Variants in TMEM167A observed in about 807,000 individuals in gnomAD.
TMEM167A encodes protein kish-A.
Under a neutral mutation model 11.6 loss-of-function variants are expected in TMEM167A, and 8 were observed. The observed-to-expected ratio is 0.69, with a 90% CI of 0.40 to 1.24. TMEM167A has a LOEUF of 1.24. Among genes scored for constraint, TMEM167A ranks in the 50% most tolerant of loss-of-function variants. TMEM167A has a pLI of 0.01. For missense variants in TMEM167A, 62 were observed against 87.0 expected (o/e 0.71, Z 1.14); for synonymous variants, 22 against 28.0 (o/e 0.79, Z 0.67).
chr5:83,058,843 A>T (rs952161900), intron 3 of TMEM167A, among the ~76,000 whole-genome samples: 1 of 152,084 alleles, frequency 6.6e-6, no homozygotes, highest in African/African-American at 2.4e-5. Context: ...TTGGGTTTTA[A>T]TGTTACTTTT....
At chr5:83,072,356 C>T (rs2112249059) in intron 1 of TMEM167A, among the ~76,000 whole-genome samples, 1 of 152,250 alleles carries the variant, frequency 6.6e-6, no homozygotes, top group Admixed American at 6.5e-5. Context: ...AAGAGCAAAG[C>T]CTGCTGTAAA....
chr5:83,064,073 T>G (rs1019239201), intron 2 of TMEM167A: 2 of 325,118 alleles, frequency 6.2e-6, no homozygotes, highest in Admixed American at 4.5e-5. Flanking sequence ...AATTCTTAGT[T>G]ATAAATCAAC....
chr5:83,056,856 T>C lies in TMEM167A; in HGVS notation c.*228A>G, dbSNP rs1744339547. ...GAATAACATTTGCAGAATGTAATAT[T>C]GTAGTGACAGTACTGAGGTTGATTG... On this transcript the variant is annotated 3_prime_UTR_variant, in exon 4 of 4. Coordinates refer to ENST00000502346, the MANE Select transcript of TMEM167A (RefSeq NM_174909.5). 1 of 557,666 alleles carries C rather than the reference T, an allele frequency of 1.8e-6. No individual in the cohort carries two copies. Among genetic ancestry groups the C allele is most frequent in the African/African-American group, 1.9e-5 (1 of 52,312 alleles). The allele number at this position is 557,666 out of a possible 1,614,324, so 34.5% of individuals were successfully genotyped here.
At chr5:83,070,568 T>C (rs1405136213) in intron 1 of TMEM167A, among the ~76,000 whole-genome samples, 1 of 151,980 alleles carries the variant, frequency 6.6e-6, no homozygotes, top group Non-Finnish European at 1.5e-5. Context: ...ATTCACAGAC[T>C]TTATTTGGCC....
intron 1 of TMEM167A, among the ~76,000 whole-genome samples, chr5:83,067,474 T>C (rs190036360): frequency 6.6e-6 from 1 of 152,106 alleles, no homozygotes; most frequent in African/African-American, 2.4e-5. Flanking sequence ...GCAAAGAAAG[T>C]GTGAAAATGC....
chr5:83,070,346 T>C (rs1292276438), intron 1 of TMEM167A, among the ~76,000 whole-genome samples: 1 of 152,170 alleles, frequency 6.6e-6, no homozygotes, highest in East Asian at 1.9e-4. Context: ...CCAAACGATT[T>C]GTCATCAAGG....
intron 1 of TMEM167A, among the ~76,000 whole-genome samples, chr5:83,066,413 T>A (rs1744482166): frequency 6.6e-6 from 1 of 152,140 alleles, no homozygotes; most frequent in Non-Finnish European, 1.5e-5. Context: ...CAGTTATAGA[T>A]CTTAAGGAAA....
intron 1 of TMEM167A, among the ~76,000 whole-genome samples, chr5:83,076,187 G>C (rs1744654003): frequency 6.6e-6 from 1 of 152,152 alleles, no homozygotes; most frequent in African/African-American, 2.4e-5. Flanking sequence ...TCTTTCACTT[G>C]TAAACATCTA....
At position 83,062,630 on chromosome 5, in the gene TMEM167A, T is replaced by C. The variant is rs575628639; in HGVS notation, c.114-719A>G. Among the ~76,000 whole-genome samples, 8 of 152,048 alleles carry C rather than the reference T, an allele frequency of 5.3e-5. No homozygotes were observed. The East Asian group carries it at 1.4e-3, about 26-fold the overall frequency. ...GGAGTAATCACTTATTTGGCATGTA[T>C]AACAAATCATCTTTAAAAAAAGACC... On this transcript the variant is annotated intron_variant, in intron 2 of 3. Coordinates refer to ENST00000502346, the MANE Select transcript of TMEM167A (RefSeq NM_174909.5).
At chr5:83,064,344 T>G (rs202017760) in intron 2 of TMEM167A, 1 of 518,332 alleles carries the variant, frequency 1.9e-6, no homozygotes, top group Non-Finnish European at 3.9e-6. Context: ...GCAACCTACT[T>G]GCTTTTGAAG....
intron 2 of TMEM167A, 174 bp from the exon 3 acceptor site, chr5:83,062,085 G>T: frequency 1.8e-6 from 1 of 554,722 alleles, no homozygotes; most frequent in Non-Finnish European, 3.2e-6. Context: ...TATGAAAGTA[G>T]GACACAATGA....
Position 83,053,313 on chromosome 5 carries a change from C to T in TMEM167A, c.*3771G>A, listed in dbSNP as rs2112234363. The T allele has an allele frequency of 6.6e-6, 1 of 151,934 alleles. No homozygotes were observed. Among genetic ancestry groups the T allele is most frequent in the East Asian group, 1.9e-4 (1 of 5,176 alleles). 9.4% of individuals were successfully genotyped at this position (151,934 alleles called of 1,614,324 possible). On this transcript the variant is annotated 3_prime_UTR_variant, in exon 4 of 4. Coordinates refer to ENST00000502346, the MANE Select transcript of TMEM167A (RefSeq NM_174909.5). ...GTGCACCCAGGAAATGTAAATGCAA[C>T]CATCACTGCTTCTTGTGCAGGTGTG...
Position 83,055,584 on chromosome 5 carries a change from CA to C in TMEM167A, c.*1499del, listed in dbSNP as rs1744317372. 1 of 151,710 alleles carries C rather than the reference CA, an allele frequency of 6.6e-6. No individual in the cohort carries two copies. Among genetic ancestry groups the C allele is most frequent in the African/African-American group, 2.4e-5 (1 of 41,348 alleles). The allele number at this position is 151,710 out of a possible 1,614,324, so 9.4% of individuals were successfully genotyped here. A position where few individuals can be genotyped will look rare whatever the true frequency, so the allele number is the denominator to read the frequency against. On this transcript the variant is annotated 3_prime_UTR_variant, in exon 4 of 4. Transcript: ENST00000502346. ...ATATAAAACCAAAACCAAACCAAAA[CA>C]AACAAACAAAAAATCCCCAGATAAC...
intron 1 of TMEM167A, among the ~76,000 whole-genome samples, chr5:83,072,423 T>C (rs1440894658): frequency 1.3e-5 from 2 of 152,208 alleles, no homozygotes; most frequent in African/African-American, 4.8e-5. Flanking sequence ...TCCTATCATA[T>C]GGTATGAAAT....
rs986909243 is a variant in TMEM167A, at chr5:83,055,329, G to A, written c.*1755C>T. ...AATTAGTTGACATGGCTTTCGGAAAGTCCAGTTGGCAGCAGAGCTGGACAA... is the reference window on the plus strand; with the variant it reads ...AATTAGTTGACATGGCTTTCGGAAAATCCAGTTGGCAGCAGAGCTGGACAA... On this transcript the variant is annotated 3_prime_UTR_variant, in exon 4 of 4. Transcript: ENST00000502346. 1.3e-5 allele frequency: 2 copies of A among 151,902 alleles called. No individual in the cohort carries two copies. Among genetic ancestry groups the A allele is most frequent in the Non-Finnish European group, 2.9e-5 (2 of 67,924 alleles). The allele number at this position is 151,902 out of a possible 1,614,324, so 9.4% of individuals were successfully genotyped here. A position where few individuals can be genotyped will look rare whatever the true frequency, so the allele number is the denominator to read the frequency against.
At chr5:83,075,066 G>T (rs982797446) in intron 1 of TMEM167A, among the ~76,000 whole-genome samples, 38 of 152,218 alleles carry the variant, frequency 2.5e-4, no homozygotes, top group African/African-American at 8.2e-4. Flanking sequence ...TCTTAATGGA[G>T]TAATAACTCC....
rs568616310 is a variant in TMEM167A at position 83,056,654 on chromosome 5, C to A, written c.*430G>T. 4.8e-4 allele frequency: 110 copies of A among 228,418 alleles called. 1 individual carries two copies. The highest frequency in any genetic ancestry group is 2.6e-3 in the African/African-American group (109 of 42,004). The allele number at this position is 228,418 out of a possible 1,614,324, so 14.1% of individuals were successfully genotyped here. A position where few individuals can be genotyped will look rare whatever the true frequency, so the allele number is the denominator to read the frequency against. On this transcript the variant is annotated 3_prime_UTR_variant, in exon 4 of 4. Transcript: ENST00000502346. The stretch of plus-strand genomic sequence containing the variant: ...AAGCACTATTAAATATTAATGCAAT[C>A]CTTATCAACACAAATTGAGCCATTT...
chr5:83,071,115 C>G (rs562604262), intron 1 of TMEM167A, among the ~76,000 whole-genome samples: 197 of 152,176 alleles, frequency 1.3e-3, no homozygotes, highest in African/African-American at 4.6e-3. Flanking sequence ...AAAGGGGTGA[C>G]TAAATCTACA....
chr5:83,070,266 A>T (rs929782596), intron 1 of TMEM167A, among the ~76,000 whole-genome samples: 1 of 152,170 alleles, frequency 6.6e-6, no homozygotes, highest in Non-Finnish European at 1.5e-5. Flanking sequence ...TGTAAGACTG[A>T]GTACGCAGGT....
Sources: gnomAD v4.1 joint callset for allele counts (sites outside exome capture counted in the v4.1 genomes callset) on GRCh38, gnomAD v4.1.1 for gene constraint, MANE v1.5 for transcripts, NCBI Gene and HGNC (gene_info 2026-07-23, HGNC 2026-07-21) for gene names.